Variants in GPC6 observed in about 807,000 individuals in gnomAD.
The protein encoded by GPC6 is glypican-6.
GPC6 carries 14 observed loss-of-function variants against 55.2 expected under a neutral mutation model. The ratio of observed to expected loss-of-function variants is 0.25; its 90% confidence interval spans 0.17 to 0.40. GPC6 has a LOEUF of 0.40. Ranked by LOEUF, GPC6 falls within the 10% of genes least tolerant of loss-of-function variation. GPC6 has a pLI of 1.00. For synonymous variants in GPC6, 278 were observed against 259.6 expected, an observed-to-expected ratio of 1.07 and a Z score of -0.68; for missense variants, 641 against 708.5, an observed-to-expected ratio of 0.90 and a Z score of 1.08.
intron 3 of GPC6, among the ~76,000 whole-genome samples, chr13:93,910,973 A>G (rs1164808735): frequency 3.3e-5 from 5 of 152,188 alleles, no homozygotes; most frequent in African/African-American, 1.2e-4. Flanking sequence ...GTATCCTCGA[A>G]TACTGCATGT....
intron 3 of GPC6, among the ~76,000 whole-genome samples, chr13:93,885,564 C>T (rs1371499318): frequency 2.0e-5 from 3 of 151,916 alleles, no homozygotes; most frequent in Non-Finnish European, 4.4e-5. Context: ...ATACAAGGGA[C>T]GTTTCTTAGA....
intron 4 of GPC6, among the ~76,000 whole-genome samples, chr13:94,203,195 T>C (rs757521277): frequency 3.4e-4 from 52 of 151,500 alleles, no homozygotes; most frequent in Admixed American, 2.5e-3. Context: ...TTTTGGGGCA[T>C]TTGAAATTAC....
chr13:93,615,409 G>T (rs1337850981), intron 2 of GPC6, among the ~76,000 whole-genome samples: 1 of 152,104 alleles, frequency 6.6e-6, no homozygotes. Flanking sequence ...TTCATGCCAT[G>T]ATTTTCTTAT....
chr13:93,565,957 A>AT (rs1353225380), intron 2 of GPC6, among the ~76,000 whole-genome samples: 1 of 151,928 alleles, frequency 6.6e-6, no homozygotes, highest in African/African-American at 2.4e-5. Context: ...GAAAAAAAAA[A>AT]CACATCTGGT....
intron 1 of GPC6, among the ~76,000 whole-genome samples, chr13:93,523,440 T>TAC (rs747143928): frequency 1.3e-3 from 75 of 57,712 alleles, no homozygotes; most frequent in Admixed American, 8.6e-3. Flanking sequence ...TATGACATTT[T>TAC]ACACACACAC....
intron 2 of GPC6, among the ~76,000 whole-genome samples, chr13:93,677,360 C>G (rs1402217234): frequency 2.0e-5 from 3 of 152,060 alleles, no homozygotes; most frequent in African/African-American, 7.2e-5. Flanking sequence ...TCAATAAATA[C>G]AGAGTATATT....
intron 1 of GPC6, among the ~76,000 whole-genome samples, chr13:93,262,359 G>A (rs921178461): frequency 2.0e-5 from 3 of 152,008 alleles, no homozygotes; most frequent in East Asian, 1.9e-4. Context: ...ATCCTTTCAC[G>A]CCAAGTTACA....
At chr13:94,224,023 C>T (rs1304970503) in intron 4 of GPC6, among the ~76,000 whole-genome samples, 1 of 151,968 alleles carries the variant, frequency 6.6e-6, no homozygotes, top group Non-Finnish European at 1.5e-5. Flanking sequence ...ATTGTTTCTG[C>T]ATTGATGTGT....
At chr13:93,735,455 C>T (rs1341510507) in intron 2 of GPC6, among the ~76,000 whole-genome samples, 1 of 151,578 alleles carries the variant, frequency 6.6e-6, no homozygotes, top group African/African-American at 2.4e-5. Context: ...ATCACTTGAA[C>T]CTAGTAGGTG....
rs1194506557 is a variant in GPC6, at chr13:93,489,687, G to A, written c.161-55576G>A. On this transcript the variant is annotated intron_variant, in intron 1 of 8. Transcript: ENST00000377047. The stretch of plus-strand genomic sequence containing the variant: ...AGTTCTCCTTGAAGAGGTCCTTCAC[G>A]TCCCTTGTAAGTTGGATTCCTAGGT... 2.2e-3 allele frequency among the ~76,000 whole-genome samples: 327 copies of A among 151,534 alleles called. 1 individual carries two copies. Among genetic ancestry groups the A allele is most frequent in the Non-Finnish European group, 2.5e-3 (168 of 68,008 alleles).
chr13:93,748,313 C>G (rs1270900773), intron 2 of GPC6, among the ~76,000 whole-genome samples: 1 of 152,072 alleles, frequency 6.6e-6, no homozygotes, highest in Non-Finnish European at 1.5e-5. Context: ...GAGACAGTTT[C>G]ATGTTTTATG....
chr13:93,997,246 A>G (rs1382565181), intron 3 of GPC6, among the ~76,000 whole-genome samples: 1 of 152,166 alleles, frequency 6.6e-6, no homozygotes, highest in Admixed American at 6.6e-5. Flanking sequence ...CATCACTTTG[A>G]GCTACATCTG....
At chr13:94,385,803 TACTAA>T (rs1279167293) in intron 7 of GPC6, among the ~76,000 whole-genome samples, 11 of 150,372 alleles carry the variant, frequency 7.3e-5, no homozygotes, top group African/African-American at 1.9e-4. Flanking sequence ...CACTTAAATT[TACTAA>T]ACTATTTTGT....
At chr13:93,989,898 G>A (rs1375875484) in intron 3 of GPC6, among the ~76,000 whole-genome samples, 1 of 140,396 alleles carries the variant, frequency 7.1e-6, no homozygotes, top group Non-Finnish European at 1.5e-5. Flanking sequence ...ATATATGTGT[G>A]TGTGTATATA....
At chr13:93,665,578 CAGAA>C (rs966897966) in intron 2 of GPC6, among the ~76,000 whole-genome samples, 15 of 151,992 alleles carry the variant, frequency 9.9e-5, no homozygotes, top group Admixed American at 3.3e-4. Context: ...TGAAAAGAGA[CAGAA>C]AGAGTTAAGA....
Position 94,107,577 on chromosome 13 carries a change from CTT to C in GPC6, c.877+79698_877+79699del, listed in dbSNP as rs35080088. Among the ~76,000 whole-genome samples, 997 of 142,822 alleles carry C rather than the reference CTT, an allele frequency of 7.0e-3. 5 individuals carry two copies. The highest frequency in any genetic ancestry group is 0.022 in the East Asian group (104 of 4,790). 93.7% of individuals were successfully genotyped at this position (142,822 alleles called of 152,430 possible). ...CCTTTTTCTTTTTCTATTTCTTTCT[CTT>C]TTTTTTTTTTTTTTCCACCTGCAAG... On this transcript the variant is annotated intron_variant, in intron 4 of 8. Coordinates refer to ENST00000377047, the MANE Select transcript of GPC6 (RefSeq NM_005708.5).
In GPC6 at chr13:93,880,994, C is replaced by G. The variant is rs1594551763; in HGVS notation, c.711+50449C>G. Among the ~76,000 whole-genome samples, 6 of 152,062 alleles carry G rather than the reference C, an allele frequency of 3.9e-5. No individual in the cohort carries two copies. The South Asian group carries it at 1.2e-3, about 32-fold the overall frequency. ...GTATAAAAATCCACGGCTCTCTAAC[C>G]CCGTATTCTTTTCAATTCTTGGTAT... On this transcript the variant is annotated intron_variant, in intron 3 of 8. Coordinates refer to ENST00000377047, the MANE Select transcript of GPC6 (RefSeq NM_005708.5).
chr13:94,407,963 C>G lies in GPC6; in HGVS notation c.*4746C>G, dbSNP rs892976859. Among the ~76,000 whole-genome samples, 1 of 152,048 alleles carries G rather than the reference C, an allele frequency of 6.6e-6. No individual in the cohort carries two copies. The highest frequency in any genetic ancestry group is 6.6e-5 in the Admixed American group (1 of 15,262). Reference sequence around the variant, plus strand: ...TTAATGCAGCTAATCATAATTATTACAGATAAATAATGTATTTCAAGAATG... The same window carrying G: ...TTAATGCAGCTAATCATAATTATTAGAGATAAATAATGTATTTCAAGAATG... On this transcript the variant is annotated 3_prime_UTR_variant, in exon 9 of 9. Transcript: ENST00000377047.
At position 93,499,091 on chromosome 13, in the gene GPC6, T is replaced by TCACACACACA. The variant is rs61370011; in HGVS notation, c.161-46153_161-46144dup. 6.4e-3 allele frequency among the ~76,000 whole-genome samples: 853 copies of TCACACACACA among 133,720 alleles called. 11 individuals carry two copies. The highest frequency in any genetic ancestry group is 0.06 in the East Asian group (296 of 4,968). The allele number at this position is 133,720 out of a possible 152,430, so 87.7% of individuals were successfully genotyped here. On this transcript the variant is annotated intron_variant, in intron 1 of 8. Transcript: ENST00000377047. ...ATAGTATATCCACAATCCTTAATTGTCACACACACACACACACACACACAC... is the reference window on the plus strand; with the variant it reads ...ATAGTATATCCACAATCCTTAATTGTCACACACACACACACACACACACACACACACACAC...
Sources: allele counts gnomAD v4.1 joint callset (sites outside exome capture counted in the v4.1 genomes callset), GRCh38; gene constraint gnomAD v4.1.1; transcripts MANE v1.5; gene names NCBI Gene and HGNC (gene_info 2026-07-23, HGNC 2026-07-21).